ETFA: variants seen among roughly 807,000 people sequenced by gnomAD.
The protein encoded by ETFA is electron transfer flavoprotein subunit alpha.
A neutral mutation model predicts 46.2 loss-of-function variants in ETFA; 22 were observed. The ratio of observed to expected loss-of-function variants is 0.48; its 90% CI spans 0.34 to 0.68. The LOEUF (loss-of-function observed/expected upper bound fraction) is 0.68, where lower values mean the gene tolerates loss of function less well. ETFA is among the 30% of genes least tolerant of loss of function. ETFA has a pLI of 0.01. For synonymous variants in ETFA, 131 were observed against 139.9 expected, an observed-to-expected ratio of 0.94 and a Z score of 0.45; for missense variants, 345 against 401.1, an observed-to-expected ratio of 0.86 and a Z score of 1.19.
At position 76,285,712 on chromosome 15, in the gene ETFA, A is replaced by G. The variant is rs2039699270; in HGVS notation, c.589T>C (p.Ser197Pro). ...KASSTSPVEISEWLDQKLTKS... is the reference protein window; with the variant it reads ...KASSTSPVEIPEWLDQKLTKS... ...GTTAATTTCTGGTCAAGCCACTCTG[A>G]TATTTCCACTGGTGAAGTACTTGAT... The change falls in exon 7 of 12, where the codon TCA becomes CCA. Residue 197 changes from serine (S) to proline (P), a missense_variant. Physicochemically the swap from Ser to Pro is moderately conservative, Grantham distance 74 (BLOSUM62 -1). Transcript: ENST00000557943. 2 of 1,610,582 alleles carry G rather than the reference A, an allele frequency of 1.2e-6. No individual in the cohort carries two copies. Among genetic ancestry groups the G allele is most frequent in the Admixed American group, 1.7e-5 (1 of 59,998 alleles).
At chr15:76,280,551 C>T (rs1374045714) in intron 8 of ETFA, among the ~76,000 whole-genome samples, 1 of 152,082 alleles carries the variant, frequency 6.6e-6, no homozygotes, top group African/African-American at 2.4e-5. Context: ...TATACTTACC[C>T]CCTACAGCTT....
intron 8 of ETFA, among the ~76,000 whole-genome samples, chr15:76,280,783 C>T (rs1404969724): frequency 1.3e-5 from 2 of 152,112 alleles, no homozygotes; most frequent in African/African-American, 2.4e-5. Flanking sequence ...CCTTCCTATT[C>T]GTCAAATAGG....
intron 9 of ETFA, among the ~76,000 whole-genome samples, chr15:76,235,727 A>G (rs2039115717): frequency 6.6e-6 from 1 of 152,212 alleles, no homozygotes; most frequent in Admixed American, 6.5e-5. Flanking sequence ...AAGAGGTGTG[A>G]TAGAGCTACA....
Position 76,292,413 on chromosome 15 carries a change from C to T in ETFA, c.351+18G>A, listed in dbSNP as rs781415228. On this transcript the variant is annotated intron_variant, in intron 4 of 11. Transcript: ENST00000557943. ...TTTCAAGCAGTGATATCAGATTCCA[C>T]ATTCTCAACCTTCTCACCTTTCCGA... 5 of 1,569,620 alleles carry T rather than the reference C, an allele frequency of 3.2e-6. No individual in the cohort carries two copies. In the African/African-American group the frequency reaches 4.0e-5, roughly 13 times the overall value.
intron 1 of ETFA, among the ~76,000 whole-genome samples, chr15:76,307,898 T>C (rs973918802): frequency 1.3e-5 from 2 of 152,246 alleles, no homozygotes; most frequent in Non-Finnish European, 2.9e-5. Context: ...GTTTTGGAAA[T>C]GTATCCTCTT....
At position 76,283,739 on chromosome 15, in the gene ETFA, TAAGGA is replaced by T; in HGVS notation, c.733+13_733+17del. 1 of 1,505,450 alleles carries T rather than the reference TAAGGA, an allele frequency of 6.6e-7. No individual in the cohort carries two copies. Among genetic ancestry groups the T allele is most frequent in the Non-Finnish European group, 9.2e-7 (1 of 1,081,700 alleles). The allele number at this position is 1,505,450 out of a possible 1,614,324, so 93.3% of individuals were successfully genotyped here. A position where few individuals can be genotyped will look rare whatever the true frequency, so the allele number is the denominator to read the frequency against. ...CAACAAAAAGGGAATATCTTTCTAC[TAAGGA>T]AAATAACTTTACCTGCAGCATGTAG... On this transcript the variant is annotated intron_variant, in intron 8 of 11. Coordinates refer to ENST00000557943, the MANE Select transcript of ETFA (RefSeq NM_000126.4).
chr15:76,225,166 G>T (rs1225666269), intron 11 of ETFA, among the ~76,000 whole-genome samples: 1 of 152,188 alleles, frequency 6.6e-6, no homozygotes, highest in African/African-American at 2.4e-5. Flanking sequence ...GAATAAGGGG[G>T]TTTGATGTTA....
intron 7 of ETFA, among the ~76,000 whole-genome samples, chr15:76,284,160 A>C (rs2039682680): frequency 6.6e-6 from 1 of 152,214 alleles, no homozygotes; most frequent in African/African-American, 2.4e-5. Context: ...ATGCTCAATA[A>C]ATTTCTCTGA....
intron 9 of ETFA, among the ~76,000 whole-genome samples, chr15:76,270,807 C>T (rs2039521772): frequency 6.6e-6 from 1 of 152,104 alleles, no homozygotes; most frequent in African/African-American, 2.4e-5. Context: ...ATAATGACAA[C>T]CATAGATTTT....
intron 9 of ETFA, chr15:76,260,353 G>C (rs550399219): frequency 2.8e-6 from 4 of 1,415,652 alleles, no homozygotes; most frequent in African/African-American, 2.8e-5. Context: ...GGTCTCTTTT[G>C]AAGCAAGATG....
At position 76,259,436 on chromosome 15, in the gene ETFA, G is replaced by A. The variant is rs116240154; in HGVS notation, c.816+14976C>T. The A allele has an allele frequency of 1.4e-3, 1,512 of 1,049,872 alleles. 12 individuals carry two copies. The African/African-American group carries it at 0.021, about 14-fold the overall frequency. The allele number at this position is 1,049,872 out of a possible 1,614,324, so 65.0% of individuals were successfully genotyped here. On this transcript the variant is annotated intron_variant, in intron 9 of 11. Coordinates refer to ENST00000557943, the MANE Select transcript of ETFA (RefSeq NM_000126.4). Reference sequence around the variant, plus strand: ...TTGGATGGAGTGGGAGTGTAAGAACGTCCTCCATACACTCTGGAAGCTGTT... The same window carrying A: ...TTGGATGGAGTGGGAGTGTAAGAACATCCTCCATACACTCTGGAAGCTGTT...
At chr15:76,272,332 T>C (rs1452290481) in intron 9 of ETFA, among the ~76,000 whole-genome samples, 1 of 151,842 alleles carries the variant, frequency 6.6e-6, no homozygotes, top group African/African-American at 2.4e-5. Context: ...ACAATTCTCC[T>C]GTTTCAACCC....
At chr15:76,232,561 G>A (rs1300587982) in intron 9 of ETFA, among the ~76,000 whole-genome samples, 2 of 152,192 alleles carry the variant, frequency 1.3e-5, no homozygotes, top group Non-Finnish European at 2.9e-5. Flanking sequence ...ACAGTGTCAA[G>A]GTGGTCCCAC....
intron 2 of ETFA, 140 bp downstream of exon 2, chr15:76,295,451 T>G (rs1273010406): frequency 1.3e-6 from 1 of 763,684 alleles, no homozygotes. Flanking sequence ...TCACACATGG[T>G]AATGGTTGTG....
At chr15:76,284,502 AT>A in intron 7 of ETFA, 1 of 197,144 alleles carries the variant, frequency 5.1e-6, no homozygotes, top group Non-Finnish European at 9.9e-6. Flanking sequence ...TTATTTATTT[AT>A]TTTTTAGGAG....
In ETFA at chr15:76,295,739, T is replaced by C; in HGVS notation, c.40-2A>G. On this transcript the variant is annotated splice_acceptor_variant, in intron 1 of 11. Transcript: ENST00000557943. LOFTEE classifies it high-confidence loss of function. ...ACTCTGAAATCGTAGCAATGAGGCC[T>C]AAAAAGAGCAAAAAGGAAAAAAAAA... 6.4e-7 allele frequency: 1 copy of C among 1,566,980 alleles called. No individual in the cohort carries two copies. The highest frequency in any genetic ancestry group is 8.7e-7 in the Non-Finnish European group (1 of 1,150,810).
intron 9 of ETFA, among the ~76,000 whole-genome samples, chr15:76,256,262 GAAAAAAAAA>G (rs59670988): frequency 3.1e-5 from 3 of 95,666 alleles, no homozygotes; most frequent in Middle Eastern, 7.1e-3. Context: ...CCGTCTCAAG[GAAAAAAAAA>G]AAAAAAAAAA....
chr15:76,281,555 A>G (rs1239842133), intron 8 of ETFA, among the ~76,000 whole-genome samples: 1 of 151,758 alleles, frequency 6.6e-6, no homozygotes. Flanking sequence ...CCTCCCAAGT[A>G]GCTGGGACTA....
intron 1 of ETFA, among the ~76,000 whole-genome samples, chr15:76,297,439 T>A (rs1343361080): frequency 6.6e-6 from 1 of 151,844 alleles, no homozygotes; most frequent in Non-Finnish European, 1.5e-5. Flanking sequence ...TCACAAGAAT[T>A]GCCAGTAACA....
Sources: gnomAD v4.1 joint callset for allele counts (sites outside exome capture counted in the v4.1 genomes callset) on GRCh38, gnomAD v4.1.1 for gene constraint, MANE v1.5 for transcripts, NCBI Gene and HGNC (gene_info 2026-07-23, HGNC 2026-07-21) for gene names.